Variants in MALRD1 observed in about 807,000 individuals in gnomAD.
MALRD1 encodes MAM and LDL receptor class A domain containing 1.
MALRD1 carries 247 observed loss-of-function variants against 242.1 expected under a neutral mutation model. That is an observed-to-expected ratio of 1.02 (90% CI 0.92 to 1.13). The LOEUF (loss-of-function observed/expected upper bound fraction) is 1.13. MALRD1 is among the 50% of genes most tolerant of loss of function. The probability of loss-of-function intolerance (pLI) is 0.00; values close to 1 mark genes in which losing one functional copy is unlikely to be tolerated. For missense variants in MALRD1, 2,989 were observed against 2,533.1 expected (o/e 1.18, Z -3.86); for synonymous variants, 995 against 866.6 (o/e 1.15, Z -2.60).
intron 36 of MALRD1, among the ~76,000 whole-genome samples, chr10:19,658,812 T>C (rs998479622): frequency 2.6e-5 from 4 of 152,196 alleles, no homozygotes; most frequent in Non-Finnish European, 5.9e-5. Flanking sequence ...TTGGCCACAG[T>C]TGAAAACCAC....
At position 19,312,404 on chromosome 10, in the gene MALRD1, G is replaced by A. The variant is rs201408912; in HGVS notation, c.3420-11545G>A. Among the ~76,000 whole-genome samples the A allele has an allele frequency of 5.2e-3, 691 of 132,396 alleles. 5 individuals carry two copies. The highest frequency in any genetic ancestry group is 0.019 in the African/African-American group (644 of 33,852). 86.9% of individuals were successfully genotyped at this position (132,396 alleles called of 152,430 possible). A position where few individuals can be genotyped will look rare whatever the true frequency, so the allele number is the denominator to read the frequency against. On this transcript the variant is annotated intron_variant, in intron 21 of 39. Transcript: ENST00000454679. Reference sequence around the variant, plus strand: ...TATATATATATATATATATATATGTGTATATGTGTGTGTGTGTGTGTGTGA... The same window carrying A: ...TATATATATATATATATATATATGTATATATGTGTGTGTGTGTGTGTGTGA...
chr10:19,251,675 G>A (rs1293014508), intron 18 of MALRD1, among the ~76,000 whole-genome samples: 3 of 151,978 alleles, frequency 2.0e-5, no homozygotes, highest in Non-Finnish European at 2.9e-5. Context: ...TGCAAGGAAT[G>A]GCAAACCCAA....
chr10:19,435,821 G>T (rs1311737909), intron 28 of MALRD1, among the ~76,000 whole-genome samples: 1 of 152,064 alleles, frequency 6.6e-6, no homozygotes. Flanking sequence ...GAGAAATCAT[G>T]GTCCACCTCC....
chr10:19,327,970 T>A (rs1843207597), intron 23 of MALRD1, among the ~76,000 whole-genome samples: 1 of 152,152 alleles, frequency 6.6e-6, no homozygotes, highest in African/African-American at 2.4e-5. Context: ...TACCTCTGTT[T>A]TGCAAATATA....
intron 13 of MALRD1, among the ~76,000 whole-genome samples, chr10:19,172,989 C>A (rs1337772537): frequency 6.6e-6 from 1 of 151,962 alleles, no homozygotes; most frequent in African/African-American, 2.4e-5. Flanking sequence ...CAGAAATCAT[C>A]TCTAATCAGA....
intron 31 of MALRD1, among the ~76,000 whole-genome samples, chr10:19,519,769 A>G (rs925338870): frequency 1.3e-5 from 2 of 152,204 alleles, no homozygotes; most frequent in South Asian, 2.1e-4. Context: ...TTCTCAAACA[A>G]CAATAACAAA....
chr10:19,070,922 G>C (rs1485618616), intron 2 of MALRD1, among the ~76,000 whole-genome samples: 2 of 128,374 alleles, frequency 1.6e-5, no homozygotes, highest in African/African-American at 5.9e-5. Flanking sequence ...TGTGATCTCA[G>C]CTCACTACAG....
chr10:19,644,029 C>A (rs1840534123), intron 36 of MALRD1, among the ~76,000 whole-genome samples: 1 of 152,002 alleles, frequency 6.6e-6, no homozygotes, highest in African/African-American at 2.4e-5. Flanking sequence ...AGAGCTCTCT[C>A]CTCTTGCCTC....
At chr10:19,445,830 G>C (rs1834942467) in intron 28 of MALRD1, among the ~76,000 whole-genome samples, 1 of 152,220 alleles carries the variant, frequency 6.6e-6, no homozygotes, top group Admixed American at 6.5e-5. Flanking sequence ...AAAGCTGTCA[G>C]ACAGGGACGT....
intron 31 of MALRD1, among the ~76,000 whole-genome samples, chr10:19,521,524 G>A (rs1833883722): frequency 6.6e-6 from 1 of 151,740 alleles, no homozygotes; most frequent in Admixed American, 6.6e-5. Flanking sequence ...ACCTTCCTTG[G>A]TGCCCTTCAA....
chr10:19,405,175 A>G (rs1847036571), intron 28 of MALRD1, among the ~76,000 whole-genome samples: 1 of 152,194 alleles, frequency 6.6e-6, no homozygotes, highest in Non-Finnish European at 1.5e-5. Context: ...GAATGCGTCA[A>G]CATCTTATTT....
At chr10:19,551,504 C>G (rs1835467330) in intron 32 of MALRD1, among the ~76,000 whole-genome samples, 1 of 152,134 alleles carries the variant, frequency 6.6e-6, no homozygotes, top group Non-Finnish European at 1.5e-5. Context: ...AGCTTTTGCA[C>G]TGAGACAGTG....
At chr10:19,371,250 T>TA (rs1414522504) in intron 26 of MALRD1, among the ~76,000 whole-genome samples, 1 of 151,942 alleles carries the variant, frequency 6.6e-6, no homozygotes, top group East Asian at 1.9e-4. Context: ...CCCTGTCTCT[T>TA]AAAAAACAAA....
At chr10:19,241,343 A>G (rs951975950) in intron 18 of MALRD1, among the ~76,000 whole-genome samples, 1 of 152,052 alleles carries the variant, frequency 6.6e-6, no homozygotes, top group Admixed American at 6.6e-5. Context: ...TTTATTCTAC[A>G]TTATCAAATT....
At chr10:19,680,331 G>A (rs974704546) in intron 36 of MALRD1, among the ~76,000 whole-genome samples, 9 of 148,122 alleles carry the variant, frequency 6.1e-5, no homozygotes, top group African/African-American at 2.4e-4. Context: ...CCTGTATTGG[G>A]TACATATATA....
chr10:19,353,980 G>A (rs1388941191), intron 26 of MALRD1, among the ~76,000 whole-genome samples: 1 of 151,658 alleles, frequency 6.6e-6, no homozygotes, highest in African/African-American at 2.4e-5. Flanking sequence ...ACCTGCCTCA[G>A]CCTCCCAAAG....
At chr10:19,729,294 A>G (rs1251015574) in intron 38 of MALRD1, among the ~76,000 whole-genome samples, 1 of 152,264 alleles carries the variant, frequency 6.6e-6, no homozygotes, top group African/African-American at 2.4e-5. Context: ...AAATCAAATC[A>G]GTAAGAGCCC....
chr10:19,255,339 A>T (rs182456387), intron 18 of MALRD1, among the ~76,000 whole-genome samples: 2 of 152,048 alleles, frequency 1.3e-5, no homozygotes, highest in Admixed American at 6.6e-5. Flanking sequence ...TTGTGTTTTG[A>T]TAATCTTCTA....
chr10:19,406,807 G>C (rs1387438859), intron 28 of MALRD1, among the ~76,000 whole-genome samples: 2 of 152,134 alleles, frequency 1.3e-5, no homozygotes, highest in Non-Finnish European at 2.9e-5. Flanking sequence ...AGATGACATA[G>C]TGCCATACAC....
Sources: gnomAD v4.1 joint callset for allele counts (sites outside exome capture counted in the v4.1 genomes callset) on GRCh38, gnomAD v4.1.1 for gene constraint, MANE v1.5 for transcripts, NCBI Gene and HGNC (gene_info 2026-07-23, HGNC 2026-07-21) for gene names.